Variants in TJP1 observed in about 807,000 individuals in gnomAD.
TJP1 encodes the protein tight junction protein 1.
A neutral mutation model predicts 194.2 loss-of-function variants in TJP1; 43 were observed. The ratio of observed to expected loss-of-function variants is 0.22; its 90% CI spans 0.17 to 0.29. TJP1 has a LOEUF of 0.29. Ranked by LOEUF, TJP1 falls within the 10% of genes least tolerant of loss-of-function variation. The probability of loss-of-function intolerance (pLI) is 1.00; values close to 1 mark genes in which losing one functional copy is unlikely to be tolerated. For missense variants in TJP1, 1,971 were observed against 2,185.7 expected (o/e 0.90, Z 1.96); for synonymous variants, 801 against 779.0 (o/e 1.03, Z -0.47).
At chr15:29,827,115 G>A (rs7168919), upstream of TJP1, among the ~76,000 whole-genome samples, 122,748 of 152,140 alleles carry the variant, frequency 0.81, 49,944 homozygotes, top group East Asian at 0.96. Context: ...AACGGGCAGT[G>A]TCACTTTCTG....
At chr15:29,823,377 C>A (rs987732784), upstream of TJP1, 12 of 151,802 alleles carry the variant, frequency 7.9e-5, no homozygotes, top group Non-Finnish European at 1.6e-4. Flanking sequence ...TGGTAAGAAA[C>A]CAATCCTAGA....
At chr15:29,775,126 C>G (rs1391251302) in intron 2 of TJP1, among the ~76,000 whole-genome samples, 1 of 152,136 alleles carries the variant, frequency 6.6e-6, no homozygotes, top group Non-Finnish European at 1.5e-5. Flanking sequence ...ATAGGGGCTC[C>G]CCACCCATTA....
chr15:29,875,407 A>G lies in TJP1; in HGVS notation c.307-74705T>C, dbSNP rs555280200. ...ATTACAGCCGGCCTTATTGTCTTCAATTCATTTGCATCCCCTTTTCCAACT... is the reference window on the plus strand; with the variant it reads ...ATTACAGCCGGCCTTATTGTCTTCAGTTCATTTGCATCCCCTTTTCCAACT... On this transcript the variant is annotated intron_variant, in intron 2 of 28. Coordinates refer to the TJP1 transcript ENST00000356107. Among the ~76,000 whole-genome samples the G allele has an allele frequency of 2.0e-5, 3 of 152,300 alleles. No homozygotes were observed. In the South Asian group the frequency reaches 6.2e-4, roughly 32 times the overall value.
At chr15:29,701,905 T>A (rs1342969205) in intron 27 of TJP1, among the ~76,000 whole-genome samples, 2 of 152,220 alleles carry the variant, frequency 1.3e-5, no homozygotes, top group African/African-American at 2.4e-5. Context: ...AAATTTTTTT[T>A]AAAACGTTCT....
chr15:29,896,839 T>C (rs1459358798), intron 2 of TJP1, among the ~76,000 whole-genome samples: 1 of 152,094 alleles, frequency 6.6e-6, no homozygotes, highest in Non-Finnish European at 1.5e-5. Flanking sequence ...AGAGAGCTGA[T>C]TTAGGGTATC....
At chr15:29,820,820 A>G (rs2050279552) in intron 1 of TJP1, 1 of 503,952 alleles carries the variant, frequency 2.0e-6, no homozygotes, top group Non-Finnish European at 3.5e-6. Context: ...TGCAAGTTAA[A>G]TTTTTCTTAA....
intron 1 of TJP1, among the ~76,000 whole-genome samples, chr15:29,963,229 G>C (rs1381451580): frequency 1.3e-5 from 2 of 152,112 alleles, no homozygotes; most frequent in Non-Finnish European, 1.5e-5. Context: ...AGTGGGCCGG[G>C]GGACCACCCT....
intron 2 of TJP1, among the ~76,000 whole-genome samples, chr15:29,792,577 C>A (rs992470339): frequency 6.6e-6 from 1 of 152,202 alleles, no homozygotes; most frequent in African/African-American, 2.4e-5. Flanking sequence ...TACTCTGGGT[C>A]TTTGTGGTTC....
intron 10 of TJP1, among the ~76,000 whole-genome samples, chr15:29,738,493 C>T (rs2044181244): frequency 6.6e-6 from 1 of 152,076 alleles, no homozygotes; most frequent in Non-Finnish European, 1.5e-5. Context: ...GATTGGGTTA[C>T]CTGACCTGGA....
chr15:29,907,443 A>G lies in TJP1; in HGVS notation c.306+48789T>C, dbSNP rs2053853722. 4.6e-5 allele frequency among the ~76,000 whole-genome samples: 7 copies of G among 152,116 alleles called. No homozygotes were observed. In the South Asian group the frequency reaches 1.2e-3, roughly 27 times the overall value. ...AAAAAGAATTGAAAAGAAGTGGTAC[A>G]TACATGTATTCATATGCCATTAGAC... On this transcript the variant is annotated intron_variant, in intron 2 of 28. Coordinates refer to the TJP1 transcript ENST00000356107.
intron 1 of TJP1, among the ~76,000 whole-genome samples, chr15:29,962,824 A>T (rs1299340836): frequency 2.6e-5 from 4 of 152,214 alleles, no homozygotes; most frequent in African/African-American, 7.2e-5. Context: ...AATGTGCACA[A>T]CTGCCAATAA....
chr15:29,847,225 C>T (rs1216067785), intron 2 of TJP1, among the ~76,000 whole-genome samples: 8 of 152,050 alleles, frequency 5.3e-5, no homozygotes, highest in Non-Finnish European at 1.0e-4. Flanking sequence ...CTCTCAGCTT[C>T]CAGAGTAGCT....
rs148073886 is a variant in TJP1, at chr15:29,859,758, C to T, written c.307-59056G>A. On this transcript the variant is annotated intron_variant, in intron 2 of 28. Transcript: ENST00000356107. ...AGTTGAAAATACAAGCAGCTTCTTC[C>T]GAGAATTGTTCTTGCTCTCTAGAGA... Among the ~76,000 whole-genome samples, 1,466 of 152,288 alleles carry T rather than the reference C, an allele frequency of 9.6e-3. 13 individuals are homozygous for T. The highest frequency in any genetic ancestry group is 0.02 in the Admixed American group (306 of 15,300).
intron 8 of TJP1, among the ~76,000 whole-genome samples, chr15:29,753,753 T>G (rs1045694041): frequency 1.3e-5 from 2 of 150,884 alleles, no homozygotes; most frequent in African/African-American, 4.9e-5. Context: ...GATTAACCAT[T>G]GAAATACTTA....
At chr15:29,729,174 C>T (rs1286113839) in intron 15 of TJP1, 1 of 152,168 alleles carries the variant, frequency 6.6e-6, no homozygotes, top group Non-Finnish European at 1.5e-5. Context: ...TGGCAGGTGC[C>T]TGTAATCCCA....
At chr15:29,772,967 T>G in intron 3 of TJP1, among the ~76,000 whole-genome samples, 1 of 152,020 alleles carries the variant, frequency 6.6e-6, no homozygotes, top group Non-Finnish European at 1.5e-5. Context: ...GGGATCTCAC[T>G]GCATTGCCCA....
At chr15:29,807,261 A>T (rs1384149789) in intron 1 of TJP1, among the ~76,000 whole-genome samples, 3 of 152,228 alleles carry the variant, frequency 2.0e-5, no homozygotes. Context: ...TTAAGTTCAC[A>T]GATAAGCTGC....
rs541846028 is a variant in TJP1, at chr15:29,951,289, T to G, written c.306+4943A>C. 7.9e-5 allele frequency among the ~76,000 whole-genome samples: 12 copies of G among 152,144 alleles called. No homozygotes were observed. In the South Asian group the frequency reaches 2.5e-3, roughly 32 times the overall value. On this transcript the variant is annotated intron_variant, in intron 2 of 28. Coordinates refer to the TJP1 transcript ENST00000356107. Reference sequence around the variant, plus strand: ...TTCGAGTGATTCTTCTGCCTCAGCCTCCCAAGTAGCTGGGATTATAGGTGC... The same window carrying G: ...TTCGAGTGATTCTTCTGCCTCAGCCGCCCAAGTAGCTGGGATTATAGGTGC...
chr15:29,792,631 C>A (rs978744447), intron 2 of TJP1, among the ~76,000 whole-genome samples: 1 of 152,178 alleles, frequency 6.6e-6, no homozygotes, highest in Non-Finnish European at 1.5e-5. Context: ...AAACATAATT[C>A]TGTGAAGAAT....
Sources: allele counts gnomAD v4.1 joint callset (sites outside exome capture counted in the v4.1 genomes callset), GRCh38; gene constraint gnomAD v4.1.1; transcripts MANE v1.5; gene names NCBI Gene and HGNC (gene_info 2026-07-23, HGNC 2026-07-21).